The following ABCC1 variants were observed in gnomAD, a reference collection of about 807,000 sequenced individuals.
The protein encoded by ABCC1 is ATP binding cassette subfamily C member 1 (ABCC1 blood group), also known as multidrug resistance-associated protein 1.
In ABCC1, 83 loss-of-function variants were observed where a neutral mutation model predicts 172.9. The observed-to-expected ratio is 0.48, with a 90% CI of 0.40 to 0.58. The LOEUF (loss-of-function observed/expected upper bound fraction) is 0.58, where lower values mean the gene tolerates loss of function less well. Among genes scored for constraint, ABCC1 ranks in the 20% least tolerant of loss-of-function variants. The pLI is 0.00. For missense variants in ABCC1, 1,817 were observed against 2,002.7 expected (o/e 0.91, Z 1.77); for synonymous variants, 937 against 825.2 (o/e 1.14, Z -2.32).
In ABCC1 at chr16:16,125,912, G is replaced by A; in HGVS notation, c.3819+1G>A. On this transcript the variant is annotated splice_donor_variant, in intron 26 of 30. Coordinates refer to ENST00000399410, the MANE Select transcript of ABCC1 (RefSeq NM_004996.4). LOFTEE classifies it high-confidence loss of function. The stretch of plus-strand genomic sequence containing the variant: ...GGAGTATTCAGAGACTGAGAAGGAG[G>A]TAGGCAAGGGCCCCTGGCTGGACCT... The A allele has an allele frequency of 1.2e-6, 2 of 1,612,552 alleles. No homozygotes were observed. The highest frequency in any genetic ancestry group is 1.7e-6 in the Non-Finnish European group (2 of 1,178,774).
chr16:16,104,644 C>G (rs1003798721), intron 20 of ABCC1, among the ~76,000 whole-genome samples: 1 of 152,228 alleles, frequency 6.6e-6, no homozygotes, highest in African/African-American at 2.4e-5. Flanking sequence ...GTGGAGCTGC[C>G]TGCCAGTCCC....
At chr16:16,136,448 C>A (rs1191347346) in intron 28 of ABCC1, 30 bp from the exon 29 acceptor site, 1 of 1,610,282 alleles carries the variant, frequency 6.2e-7, no homozygotes, top group South Asian at 1.1e-5. Flanking sequence ...ACAGGTGTCA[C>A]ATGCCGTCCA....
At chr16:16,062,238 T>G (rs901245290) in intron 12 of ABCC1, among the ~76,000 whole-genome samples, 1 of 152,248 alleles carries the variant, frequency 6.6e-6, no homozygotes, top group Admixed American at 6.5e-5. Context: ...ACCCACAGTT[T>G]CCAGGCTGTC....
At chr16:15,995,453 A>T (rs2047023599) in intron 1 of ABCC1, among the ~76,000 whole-genome samples, 1 of 152,092 alleles carries the variant, frequency 6.6e-6, no homozygotes, top group South Asian at 2.1e-4. Flanking sequence ...CCCACCCACC[A>T]TTATGCTTCA....
intron 15 of ABCC1, among the ~76,000 whole-genome samples, chr16:16,077,298 G>A (rs1174266239): frequency 1.3e-5 from 2 of 152,162 alleles, no homozygotes; most frequent in Non-Finnish European, 2.9e-5. Flanking sequence ...TCTGTAGAAG[G>A]CCTGCATTGA....
chr16:16,112,649 G>T (rs1369057158), intron 22 of ABCC1, among the ~76,000 whole-genome samples: 3 of 152,222 alleles, frequency 2.0e-5, no homozygotes, highest in Non-Finnish European at 4.4e-5. Flanking sequence ...GGCAGCATTG[G>T]CATTGAACAA....
Position 16,079,370 on chromosome 16 carries a change from C to G in ABCC1, c.2007C>G (p.Pro669=). ...GTTTCAGCATCACCTTCTCCATCCC[C>G]GAAGGTGCTTTGGTGGCCGTGGTGG... ...PTLNGITFSI[P]EGALVAVVGQ... The change falls in exon 16 of 31, where the codon CCC becomes CCG. Residue 669 remains proline, a synonymous_variant. Coordinates refer to ENST00000399410, the MANE Select transcript of ABCC1 (RefSeq NM_004996.4). 6.2e-7 allele frequency: 1 copy of G among 1,613,996 alleles called. No homozygotes were observed. The highest frequency in any genetic ancestry group is 2.2e-5 in the East Asian group (1 of 44,882).
chr16:16,139,564 A>T lies in ABCC1; in HGVS notation c.4487+1006A>T, dbSNP rs537508499. Among the ~76,000 whole-genome samples the T allele has an allele frequency of 1.0e-4, 13 of 125,618 alleles. No individual in the cohort carries two copies. The South Asian group carries it at 3.6e-3, about 34-fold the overall frequency. The allele number at this position is 125,618 out of a possible 152,430, so 82.4% of individuals were successfully genotyped here. On this transcript the variant is annotated intron_variant, in intron 30 of 30. Coordinates refer to ENST00000399410, the MANE Select transcript of ABCC1 (RefSeq NM_004996.4). ...GAGGTGGAGGTTGCAGTGAGCTGAG[A>T]TTGTGCCACTGCAGTCCAGCCTGGG... is the stretch of plus-strand genomic sequence containing the variant.
intron 7 of ABCC1, among the ~76,000 whole-genome samples, chr16:16,037,107 A>T (rs34566056): frequency 0.13 from 19,037 of 152,024 alleles, 1,654 homozygotes; most frequent in African/African-American, 0.24. Context: ...GTCTCAAAAA[A>T]AAAAAAAGAA....
rs905137271 is a variant in ABCC1 at position 16,141,276 on chromosome 16, G to C, written c.4591G>C (p.Val1531Leu). 1.2e-6 allele frequency: 2 copies of C among 1,613,958 alleles called. No individual in the cohort carries two copies. Among genetic ancestry groups the C allele is most frequent in the South Asian group, 1.1e-5 (1 of 91,084 alleles). ...FYSMAKDAGLV is the reference protein window; with the variant it reads ...FYSMAKDAGLL Reference sequence around the variant, plus strand: ...CAGCATGGCCAAAGACGCCGGCTTGGTGTGAGCCCCAGAGCTGGCATATCT... The same window carrying C: ...CAGCATGGCCAAAGACGCCGGCTTGCTGTGAGCCCCAGAGCTGGCATATCT... Residue 1531 changes from valine (V) to leucine (L), a missense_variant, in exon 31 of 31, where the codon GTG becomes CTG. Val to Leu is a conservative substitution (Grantham distance 32). Transcript: ENST00000399410.
chr16:16,098,919 T>C, intron 19 of ABCC1: 1 of 1,351,742 alleles, frequency 7.4e-7, no homozygotes, highest in South Asian at 1.1e-5. Flanking sequence ...ACTGCCCGGG[T>C]TGGAGTTGGC....
At chr16:16,077,414 T>C (rs893701326) in intron 15 of ABCC1, among the ~76,000 whole-genome samples, 1 of 152,238 alleles carries the variant, frequency 6.6e-6, no homozygotes, top group African/African-American at 2.4e-5. Context: ...GCACAACTAA[T>C]CTGTATCTGT....
chr16:16,026,577 G>A lies in ABCC1; in HGVS notation c.616-6532G>A, dbSNP rs117997663. Among the ~76,000 whole-genome samples, 408 of 148,516 alleles carry A rather than the reference G, an allele frequency of 2.7e-3. 13 individuals carry two copies. The East Asian group carries it at 0.067, about 24-fold the overall frequency. The stretch of plus-strand genomic sequence containing the variant: ...GTGTTTAGATCCATAGAAGAGAGGC[G>A]GCCTGAGGAGAAGAATTTGACAAAG... On this transcript the variant is annotated intron_variant, in intron 5 of 30. Transcript: ENST00000399410.
At chr16:16,003,586 G>A (rs1416549724) in intron 1 of ABCC1, among the ~76,000 whole-genome samples, 2 of 149,506 alleles carry the variant, frequency 1.3e-5, no homozygotes, top group African/African-American at 4.9e-5. Context: ...TGGGTAGGGT[G>A]GATGGGTGAA....
At chr16:16,138,292 G>T (rs1039895967) in intron 29 of ABCC1, 72 bp from the exon 30 acceptor site, 243 of 1,451,168 alleles carry the variant, frequency 1.7e-4, no homozygotes, top group Non-Finnish European at 2.2e-4. Context: ...GCTTCTCCCA[G>T]CCTGGGCCTA....
At chr16:16,061,498 G>A (rs757587681) in intron 12 of ABCC1, among the ~76,000 whole-genome samples, 26 of 152,310 alleles carry the variant, frequency 1.7e-4, no homozygotes, top group Non-Finnish European at 3.8e-4. Flanking sequence ...TCCAGGCATT[G>A]CGAAGTGTCC....
At chr16:15,994,771 CT>C (rs1010026925) in intron 1 of ABCC1, among the ~76,000 whole-genome samples, 1 of 150,972 alleles carries the variant, frequency 6.6e-6, no homozygotes, top group Non-Finnish European at 1.5e-5. Context: ...TTTTTCTTTT[CT>C]TTTTTTTGCA....
intron 9 of ABCC1, among the ~76,000 whole-genome samples, chr16:16,046,359 T>C (rs965475286): frequency 6.6e-6 from 1 of 152,074 alleles, no homozygotes; most frequent in African/African-American, 2.4e-5. Flanking sequence ...TTTTTCGTTT[T>C]TTTGAGACCA....
At chr16:16,013,327 G>A (rs2047866960) in intron 3 of ABCC1, among the ~76,000 whole-genome samples, 2 of 150,768 alleles carry the variant, frequency 1.3e-5, no homozygotes, top group African/African-American at 4.9e-5. Context: ...CTGGAATGCA[G>A]TGGCATGATC....
Sources: allele counts gnomAD v4.1 joint callset (sites outside exome capture counted in the v4.1 genomes callset), GRCh38; gene constraint gnomAD v4.1.1; transcripts MANE v1.5; gene names NCBI Gene and HGNC (gene_info 2026-07-23, HGNC 2026-07-21).